NKAIN2: variants seen among roughly 807,000 people sequenced by gnomAD.
NKAIN2 encodes the protein sodium/potassium transporting ATPase interacting 2, also known as sodium/potassium-transporting ATPase subunit beta-1-interacting protein 2.
In NKAIN2, 14 loss-of-function variants were observed where a neutral mutation model predicts 32.6. That is an observed-to-expected ratio of 0.43 (90% CI 0.28 to 0.67). NKAIN2 has a LOEUF of 0.67. Ranked by LOEUF, NKAIN2 falls within the 30% of genes least tolerant of loss-of-function variation. NKAIN2 has a pLI of 0.17. For missense variants in NKAIN2, 198 were observed against 258.3 expected (o/e 0.77, Z 1.60); for synonymous variants, 80 against 87.2 (o/e 0.92, Z 0.46).
intron 2 of NKAIN2, among the ~76,000 whole-genome samples, chr6:124,348,945 A>G (rs570639163): frequency 3.0e-4 from 45 of 152,230 alleles, no homozygotes; most frequent in African/African-American, 1.0e-3. Context: ...AGGAGATTAT[A>G]TCCCACACCT....
rs140048063 is a variant in NKAIN2 at position 124,440,440 on chromosome 6, C to T, written c.273+85093C>T. The stretch of plus-strand genomic sequence containing the variant: ...TTTCCTTCACCCTACATTAGTACTT[C>T]TGAAAGTCTAGGTAACTTGCCAGAT... On this transcript the variant is annotated intron_variant, in intron 3 of 6. Transcript: ENST00000368417. Among the ~76,000 whole-genome samples the T allele has an allele frequency of 3.3e-3, 500 of 152,186 alleles. 3 individuals are homozygous for T. The highest frequency in any genetic ancestry group is 0.015 in the Admixed American group (232 of 15,254).
At chr6:123,831,917 G>T (rs918892307) in intron 1 of NKAIN2, among the ~76,000 whole-genome samples, 2 of 152,176 alleles carry the variant, frequency 1.3e-5, no homozygotes, top group Non-Finnish European at 2.9e-5. Flanking sequence ...GCCTTGCAAA[G>T]TGCTGGGATT....
At chr6:124,606,242 A>T (rs1936869910) in intron 3 of NKAIN2, among the ~76,000 whole-genome samples, 2 of 152,124 alleles carry the variant, frequency 1.3e-5, no homozygotes, top group South Asian at 2.1e-4. Context: ...AGAAAAAAAA[A>T]ATAGCATCCC....
chr6:124,166,352 G>T (rs1215133920), intron 1 of NKAIN2, among the ~76,000 whole-genome samples: 8 of 151,254 alleles, frequency 5.3e-5, no homozygotes, highest in South Asian at 2.1e-4. Flanking sequence ...TCGCCCACTT[G>T]TTGATGGGGT....
intron 1 of NKAIN2, among the ~76,000 whole-genome samples, chr6:123,827,940 G>A: frequency 6.6e-6 from 1 of 151,572 alleles, no homozygotes; most frequent in East Asian, 1.9e-4. Flanking sequence ...TCCTTTGTCT[G>A]ACTTAAAAGA....
chr6:124,539,179 G>C (rs1455703818), intron 3 of NKAIN2, among the ~76,000 whole-genome samples: 1 of 136,522 alleles, frequency 7.3e-6, no homozygotes, highest in African/African-American at 2.6e-5. Context: ...TATAATCAGA[G>C]ATATTTAATG....
chr6:124,759,657 C>CACACACACACACACACA lies in NKAIN2; in HGVS notation c.475-31682_475-31681insACACACACACACACACA, dbSNP rs1562367850. Among the ~76,000 whole-genome samples, 18 of 75,458 alleles carry CACACACACACACACACA rather than the reference C, an allele frequency of 2.4e-4. 1 individual carries two copies. Among genetic ancestry groups the CACACACACACACACACA allele is most frequent in the East Asian group, 1.2e-3 (3 of 2,538 alleles). The allele number at this position is 75,458 out of a possible 152,430, so 49.5% of individuals were successfully genotyped here. ...CACACACACACACACACACACACAC[C>CACACACACACACACACA]CCCTATCTCCCTTTCCTGCCTTATT... is the stretch of plus-strand genomic sequence containing the variant. On this transcript the variant is annotated intron_variant, in intron 4 of 6. Coordinates refer to ENST00000368417, the MANE Select transcript of NKAIN2 (RefSeq NM_001040214.3).
intron 3 of NKAIN2, among the ~76,000 whole-genome samples, chr6:124,405,537 C>A (rs980324635): frequency 7.2e-6 from 1 of 139,352 alleles, no homozygotes; most frequent in Non-Finnish European, 1.6e-5. Context: ...TTTGTTTTGT[C>A]TTTTTTTTTT....
At chr6:124,647,565 G>A (rs1230511120) in intron 3 of NKAIN2, among the ~76,000 whole-genome samples, 1 of 150,818 alleles carries the variant, frequency 6.6e-6, no homozygotes, top group South Asian at 2.1e-4. Flanking sequence ...ACTGGGTGGT[G>A]GGTATAATGA....
At chr6:124,489,321 C>A (rs1349779040) in intron 3 of NKAIN2, among the ~76,000 whole-genome samples, 2 of 151,906 alleles carry the variant, frequency 1.3e-5, no homozygotes, top group African/African-American at 4.8e-5. Flanking sequence ...CAACTATTTT[C>A]ACTGTTAAGA....
chr6:124,561,129 T>C (rs1383694845), intron 3 of NKAIN2, among the ~76,000 whole-genome samples: 1 of 152,080 alleles, frequency 6.6e-6, no homozygotes, highest in African/African-American at 2.4e-5. Flanking sequence ...AACAGAATGA[T>C]TACTGAGGGG....
chr6:124,342,898 G>C (rs552903953), intron 2 of NKAIN2, among the ~76,000 whole-genome samples: 188 of 150,958 alleles, frequency 1.2e-3, no homozygotes, highest in Non-Finnish European at 2.4e-3. Flanking sequence ...AGTTACATAT[G>C]TATACATGTG....
At chr6:124,532,767 C>A (rs866533889) in intron 3 of NKAIN2, among the ~76,000 whole-genome samples, 2 of 152,196 alleles carry the variant, frequency 1.3e-5, no homozygotes, top group African/African-American at 2.4e-5. Context: ...ATCCTGGGAG[C>A]TACAGCTGCT....
At chr6:124,259,273 C>T (rs1296136578) in intron 1 of NKAIN2, among the ~76,000 whole-genome samples, 1 of 152,064 alleles carries the variant, frequency 6.6e-6, no homozygotes, top group Non-Finnish European at 1.5e-5. Context: ...AATACAAGTA[C>T]ATGTGAGTAA....
intron 4 of NKAIN2, among the ~76,000 whole-genome samples, chr6:124,762,458 G>A (rs950151638): frequency 1.3e-5 from 2 of 151,906 alleles, no homozygotes; most frequent in African/African-American, 2.4e-5. Flanking sequence ...AAGTTGGGAG[G>A]GGCACAATTC....
At chr6:124,444,139 T>C (rs1224014903) in intron 3 of NKAIN2, among the ~76,000 whole-genome samples, 1 of 152,062 alleles carries the variant, frequency 6.6e-6, no homozygotes, top group Non-Finnish European at 1.5e-5. Context: ...TAAAAGTTAT[T>C]GTTGATAAAT....
intron 1 of NKAIN2, among the ~76,000 whole-genome samples, chr6:124,178,999 G>C (rs1562404625): frequency 6.6e-6 from 1 of 152,152 alleles, no homozygotes; most frequent in Non-Finnish European, 1.5e-5. Flanking sequence ...CAGTGAATTT[G>C]GTAATTATTG....
At chr6:124,437,650 A>G (rs62436344) in intron 3 of NKAIN2, among the ~76,000 whole-genome samples, 7,139 of 152,138 alleles carry the variant, frequency 0.047, 287 homozygotes, top group Non-Finnish European at 0.068. Context: ...TCCTCCCCAT[A>G]AAGCTCACAG....
rs76496579 is a variant in NKAIN2, at chr6:124,572,490, T to C, written c.274-85696T>C. On this transcript the variant is annotated intron_variant, in intron 3 of 6. Transcript: ENST00000368417. ...AAAATGTTGAATCCCAGTTAATCTT[T>C]CCGGTAAATTATTTATTTTCAGAGA... is the stretch of plus-strand genomic sequence containing the variant. 9.0e-3 allele frequency among the ~76,000 whole-genome samples: 1,366 copies of C among 152,338 alleles called. 21 individuals are homozygous for C. Among genetic ancestry groups the C allele is most frequent in the African/African-American group, 0.032 (1,314 of 41,578 alleles).
Sources: allele counts gnomAD v4.1 joint callset (sites outside exome capture counted in the v4.1 genomes callset), GRCh38; gene constraint gnomAD v4.1.1; transcripts MANE v1.5; gene names NCBI Gene and HGNC (gene_info 2026-07-23, HGNC 2026-07-21).